PPARGC1A: variants seen among roughly 807,000 people sequenced by gnomAD.
PPARGC1A encodes PPARG coactivator 1 alpha, also known as peroxisome proliferator-activated receptor gamma coactivator 1-alpha.
Under a neutral mutation model 88.7 loss-of-function variants are expected in PPARGC1A, and 25 were observed. The observed-to-expected ratio is 0.28, with a 90% CI of 0.21 to 0.39. The LOEUF (loss-of-function observed/expected upper bound fraction) is 0.39. Among genes scored for constraint, PPARGC1A ranks in the 10% least tolerant of loss-of-function variants. The pLI, the probability that PPARGC1A is intolerant of heterozygous loss-of-function variation, is 1.00. For synonymous variants in PPARGC1A, 363 were observed against 355.6 expected (o/e 1.02, Z -0.24); for missense variants, 880 against 968.7 (o/e 0.91, Z 1.22).
the PPARGC1A span, among the ~76,000 whole-genome samples, chr4:24,304,453 C>T: frequency 1.4e-4 from 22 of 152,182 alleles, no homozygotes; most frequent in African/African-American, 4.3e-4. Context: ...CACCAGCAAT[C>T]CTGTGAAGCA....
At chr4:24,417,120 T>C in the PPARGC1A span, among the ~76,000 whole-genome samples, 2 of 146,822 alleles carry the variant, frequency 1.4e-5, no homozygotes, top group Admixed American at 1.4e-4. Flanking sequence ...GGAAGGAGAG[T>C]TGGAAGGGAG....
chr4:23,927,228 A>G, the PPARGC1A span, among the ~76,000 whole-genome samples: 1 of 152,226 alleles, frequency 6.6e-6, no homozygotes, highest in African/African-American at 2.4e-5. Flanking sequence ...GATTGGTTCT[A>G]TGAGTACTCT....
chr4:24,387,842 G>GAA, the PPARGC1A span, among the ~76,000 whole-genome samples: 5 of 117,530 alleles, frequency 4.3e-5, no homozygotes, highest in African/African-American at 1.7e-4. Context: ...GAGAGAAAGA[G>GAA]AGAGAGAAAG....
At chr4:24,326,766 T>C in the PPARGC1A span, among the ~76,000 whole-genome samples, 1 of 152,202 alleles carries the variant, frequency 6.6e-6, no homozygotes, top group Non-Finnish European at 1.5e-5. Flanking sequence ...GTCAGAATTC[T>C]TACACAAGAG....
At chr4:24,013,313 T>C in the PPARGC1A span, among the ~76,000 whole-genome samples, 2 of 152,166 alleles carry the variant, frequency 1.3e-5, no homozygotes, top group African/African-American at 4.8e-5. Context: ...AAAATTAATG[T>C]TAATCACCAC....
the PPARGC1A span, among the ~76,000 whole-genome samples, chr4:24,208,258 G>A: frequency 6.6e-6 from 1 of 152,046 alleles, no homozygotes; most frequent in Non-Finnish European, 1.5e-5. Flanking sequence ...ACTCCAGCCT[G>A]GGTGACAGAG....
chr4:23,821,116 A>T (rs1326489879), intron 7 of PPARGC1A, among the ~76,000 whole-genome samples: 1 of 152,134 alleles, frequency 6.6e-6, no homozygotes, highest in Non-Finnish European at 1.5e-5. Flanking sequence ...GTACCAATCA[A>T]TGACACTTGG....
chr4:24,273,135 T>C, the PPARGC1A span, among the ~76,000 whole-genome samples: 1 of 152,262 alleles, frequency 6.6e-6, no homozygotes, highest in African/African-American at 2.4e-5. Context: ...TTCCCATTCT[T>C]TGGAAATCGA....
At chr4:24,272,608 C>G in the PPARGC1A span, among the ~76,000 whole-genome samples, 1 of 152,208 alleles carries the variant, frequency 6.6e-6, no homozygotes, top group South Asian at 2.1e-4. Context: ...TTAAAATACT[C>G]TGGGCCTTAC....
chr4:24,292,121 C>T, the PPARGC1A span, among the ~76,000 whole-genome samples: 1 of 152,154 alleles, frequency 6.6e-6, no homozygotes, highest in African/African-American at 2.4e-5. Flanking sequence ...GCTGAAGTTT[C>T]CCTAAGACTC....
the PPARGC1A span, among the ~76,000 whole-genome samples, chr4:24,180,370 G>C: frequency 4.6e-5 from 7 of 152,032 alleles, no homozygotes; most frequent in Non-Finnish European, 2.9e-5. Flanking sequence ...TTCATAAACT[G>C]GTTACATTTT....
the PPARGC1A span, among the ~76,000 whole-genome samples, chr4:24,352,129 C>T: frequency 5.9e-5 from 9 of 151,956 alleles, no homozygotes; most frequent in African/African-American, 1.5e-4. Flanking sequence ...CAGAGCCACC[C>T]GGGAGTGGGA....
chr4:24,430,255 C>CTTTTTTTT, the PPARGC1A span, among the ~76,000 whole-genome samples: 1 of 110,774 alleles, frequency 9.0e-6, no homozygotes, highest in Admixed American at 9.7e-5. Context: ...TTTTGTATTT[C>CTTTTTTTT]TTTTTTTTTT....
At chr4:24,181,584 T>C in the PPARGC1A span, among the ~76,000 whole-genome samples, 1 of 152,142 alleles carries the variant, frequency 6.6e-6, no homozygotes, top group Admixed American at 6.6e-5. Context: ...CAGATCCACA[T>C]GTTTGCCAGT....
In PPARGC1A at chr4:23,829,559, G is replaced by T; in HGVS notation, c.456C>A (p.Ala152=). The change falls in exon 4 of 13, where the codon GCC becomes GCA. Residue 152 remains alanine (A), a synonymous_variant. Coordinates refer to ENST00000264867, the MANE Select transcript of PPARGC1A (RefSeq NM_013261.5). The part of the protein sequence containing the change: ...SLLKKLLLAP[A]NTQLSYNECS... ...ATTCATTATAACTTAGCTGAGTGTT[G>T]GCTGGTGCCAGTAAGAGCTTCTTAA... 1 of 1,612,704 alleles carries T rather than the reference G, an allele frequency of 6.2e-7. No homozygotes were observed. Among genetic ancestry groups the T allele is most frequent in the South Asian group, 1.1e-5 (1 of 90,880 alleles).
the PPARGC1A span, among the ~76,000 whole-genome samples, chr4:24,337,784 T>A: frequency 2.0e-5 from 3 of 151,642 alleles, no homozygotes; most frequent in African/African-American, 7.3e-5. Context: ...TAACTATAAA[T>A]TCAAAACTTC....
At chr4:24,408,894 G>A in the PPARGC1A span, among the ~76,000 whole-genome samples, 1 of 152,190 alleles carries the variant, frequency 6.6e-6, no homozygotes, top group African/African-American at 2.4e-5. Context: ...AAGTTTGGAG[G>A]TAATTTGTTA....
At chr4:24,290,961 G>C in the PPARGC1A span, among the ~76,000 whole-genome samples, 2 of 152,090 alleles carry the variant, frequency 1.3e-5, no homozygotes, top group Non-Finnish European at 2.9e-5. Context: ...ATATCTAACA[G>C]AAAAAATATT....
At chr4:23,844,316 T>TAG (rs1727595013) in intron 2 of PPARGC1A, among the ~76,000 whole-genome samples, 1 of 140,182 alleles carries the variant, frequency 7.1e-6, no homozygotes, top group South Asian at 2.1e-4. Flanking sequence ...ACATATTATA[T>TAG]TAGAATAATC....
Sources: gnomAD v4.1 joint callset for allele counts (sites outside exome capture counted in the v4.1 genomes callset) on GRCh38, gnomAD v4.1.1 for gene constraint, MANE v1.5 for transcripts, NCBI Gene and HGNC (gene_info 2026-07-23, HGNC 2026-07-21) for gene names.